MGMT: variants seen among roughly 807,000 people sequenced by gnomAD.
MGMT encodes the protein O-6-methylguanine-DNA methyltransferase.
In MGMT, 14 loss-of-function variants were observed where a neutral mutation model predicts 15.9. The ratio of observed to expected loss-of-function variants is 0.88; its 90% CI spans 0.58 to 1.37. The LOEUF (loss-of-function observed/expected upper bound fraction) is 1.37. Ranked by LOEUF, MGMT falls within the 40% of genes most tolerant of loss-of-function variation. MGMT has a pLI of 0.00. For missense variants in MGMT, 282 were observed against 268.1 expected (o/e 1.05, Z -0.36); for synonymous variants, 130 against 118.2 (o/e 1.10, Z -0.65).
intron 2 of MGMT, among the ~76,000 whole-genome samples, chr10:129,615,091 T>G (rs1455392055): frequency 6.6e-6 from 1 of 152,128 alleles, no homozygotes; most frequent in Non-Finnish European, 1.5e-5. Flanking sequence ...GGGAAAATGG[T>G]TGTTTCTTGG....
chr10:129,746,402 G>A (rs1234166073), intron 3 of MGMT, among the ~76,000 whole-genome samples: 2 of 150,544 alleles, frequency 1.3e-5, no homozygotes, highest in African/African-American at 4.9e-5. Context: ...CTAACCCCAG[G>A]TCATGAAGAT....
At chr10:129,730,341 A>G (rs1357948277) in intron 3 of MGMT, among the ~76,000 whole-genome samples, 1 of 152,152 alleles carries the variant, frequency 6.6e-6, no homozygotes, top group Non-Finnish European at 1.5e-5. Flanking sequence ...TTTTGCATGC[A>G]TTGATAATGT....
At chr10:129,585,249 A>G (rs1462982111) in intron 2 of MGMT, among the ~76,000 whole-genome samples, 1 of 152,212 alleles carries the variant, frequency 6.6e-6, no homozygotes. Context: ...TATTCACAAT[A>G]GGGCTGGTTG....
At chr10:129,662,499 T>C (rs1847608982) in intron 2 of MGMT, among the ~76,000 whole-genome samples, 1 of 151,936 alleles carries the variant, frequency 6.6e-6, no homozygotes, top group Admixed American at 6.6e-5. Flanking sequence ...CTTTACAAAA[T>C]ATTAACCTAA....
chr10:129,678,424 A>G (rs1471228626), intron 2 of MGMT, among the ~76,000 whole-genome samples: 1 of 152,024 alleles, frequency 6.6e-6, no homozygotes, highest in Non-Finnish European at 1.5e-5. Flanking sequence ...GAGGGCTGCC[A>G]GGGCTGGGTG....
chr10:129,739,598 C>G (rs746614696), intron 3 of MGMT, among the ~76,000 whole-genome samples: 1 of 152,066 alleles, frequency 6.6e-6, no homozygotes, highest in Admixed American at 6.5e-5. Flanking sequence ...CCCCTACGCC[C>G]TGGTCAGATC....
intron 2 of MGMT, among the ~76,000 whole-genome samples, chr10:129,575,622 G>T (rs1340143705): frequency 6.8e-6 from 1 of 147,988 alleles, no homozygotes; most frequent in African/African-American, 2.5e-5. Context: ...ACAATTAAAA[G>T]AACTAGAGAA....
At chr10:129,485,522 G>A (rs556524552) in intron 1 of MGMT, among the ~76,000 whole-genome samples, 1 of 152,340 alleles carries the variant, frequency 6.6e-6, no homozygotes, top group South Asian at 2.1e-4. Flanking sequence ...AATCTGAAAT[G>A]CTACAGCATC....
intron 2 of MGMT, among the ~76,000 whole-genome samples, chr10:129,565,911 G>A (rs1047096137): frequency 8.5e-5 from 13 of 152,090 alleles, no homozygotes; most frequent in South Asian, 2.1e-4. Flanking sequence ...GGCTTGGACC[G>A]GAGCGTCTTT....
At chr10:129,583,524 A>G (rs911117308) in intron 2 of MGMT, among the ~76,000 whole-genome samples, 1 of 152,214 alleles carries the variant, frequency 6.6e-6, no homozygotes, top group Non-Finnish European at 1.5e-5. Context: ...TTCCTTCCTT[A>G]TCCCGGGTAG....
At chr10:129,627,917 T>C (rs565199577) in intron 2 of MGMT, among the ~76,000 whole-genome samples, 2 of 152,222 alleles carry the variant, frequency 1.3e-5, no homozygotes, top group Non-Finnish European at 2.9e-5. Flanking sequence ...GTTGATATTG[T>C]CTTCCCTGTT....
At chr10:129,668,397 C>T (rs1189550404) in intron 2 of MGMT, among the ~76,000 whole-genome samples, 1 of 152,016 alleles carries the variant, frequency 6.6e-6, no homozygotes, top group Non-Finnish European at 1.5e-5. Flanking sequence ...CAGTTATTTG[C>T]TCTCACCTTT....
In MGMT at chr10:129,769,974, T is replaced by A. The variant is rs1848983217; in HGVS notation, c.*2977T>A. On this transcript the variant is annotated 3_prime_UTR_variant, in exon 5 of 5. Coordinates refer to ENST00000651593, the MANE Select transcript of MGMT (RefSeq NM_002412.5). ...TGCAGAGGAAGTGGGCAAGCTCACC[T>A]TGTAGAGAACTTACTTGGGGTTTGT... Among the ~76,000 whole-genome samples, 1 of 152,182 alleles carries A rather than the reference T, an allele frequency of 6.6e-6. No homozygotes were observed. The highest frequency in any genetic ancestry group is 1.5e-5 in the Non-Finnish European group (1 of 68,040).
At chr10:129,576,912 T>C (rs1056644670) in intron 2 of MGMT, among the ~76,000 whole-genome samples, 2 of 152,150 alleles carry the variant, frequency 1.3e-5, no homozygotes, top group Non-Finnish European at 2.9e-5. Context: ...AAGAGCCAAA[T>C]CATGAGTGAA....
At chr10:129,521,625 G>A (rs1360329667) in intron 1 of MGMT, among the ~76,000 whole-genome samples, 1 of 152,174 alleles carries the variant, frequency 6.6e-6, no homozygotes, top group Non-Finnish European at 1.5e-5. Context: ...CCCCAGGGAG[G>A]GTGTTTCCAC....
intron 2 of MGMT, among the ~76,000 whole-genome samples, chr10:129,565,242 G>T (rs767557411): frequency 5.3e-5 from 8 of 151,710 alleles, no homozygotes; most frequent in Non-Finnish European, 1.0e-4. Flanking sequence ...TCGTACATGT[G>T]GAGTTTAAAG....
intron 2 of MGMT, among the ~76,000 whole-genome samples, chr10:129,581,565 G>T (rs1418477731): frequency 1.3e-5 from 2 of 152,162 alleles, no homozygotes; most frequent in Non-Finnish European, 2.9e-5. Context: ...GATCTAAATG[G>T]TCAGTCACTA....
intron 2 of MGMT, among the ~76,000 whole-genome samples, chr10:129,580,411 C>T (rs1287009464): frequency 1.3e-5 from 2 of 152,190 alleles, no homozygotes; most frequent in African/African-American, 4.8e-5. Flanking sequence ...GCAACAGTTT[C>T]CCTGAGGTCA....
intron 4 of MGMT, among the ~76,000 whole-genome samples, chr10:129,761,169 G>A (rs1175068266): frequency 6.6e-5 from 10 of 152,106 alleles, no homozygotes; most frequent in Admixed American, 5.2e-4. Context: ...TGAGAACTGT[G>A]GATGCGAATG....
Sources: allele counts gnomAD v4.1 joint callset (sites outside exome capture counted in the v4.1 genomes callset), GRCh38; gene constraint gnomAD v4.1.1; transcripts MANE v1.5; gene names NCBI Gene and HGNC (gene_info 2026-07-23, HGNC 2026-07-21).